PABPC4L: variants seen among roughly 807,000 people sequenced by gnomAD.
PABPC4L encodes the protein polyadenylate-binding protein 4-like.
For synonymous variants in PABPC4L, 169 were observed against 164.1 expected (o/e 1.03, Z -0.23); for missense variants, 452 against 451.4 (o/e 1.00, Z -0.01).
the PABPC4L span, among the ~76,000 whole-genome samples, chr4:134,021,474 T>C: frequency 6.6e-6 from 1 of 152,152 alleles, no homozygotes; most frequent in Admixed American, 6.6e-5. Flanking sequence ...CCATAGTGTC[T>C]CCATCAGAAA....
chr4:134,060,267 G>A, the PABPC4L span, among the ~76,000 whole-genome samples: 3 of 151,872 alleles, frequency 2.0e-5, no homozygotes, highest in East Asian at 5.9e-4. Context: ...GGCTGTCTAG[G>A]CAATAAGGAC....
chr4:134,164,993 T>G, the PABPC4L span, among the ~76,000 whole-genome samples: 1 of 152,252 alleles, frequency 6.6e-6, no homozygotes, highest in African/African-American at 2.4e-5. Context: ...TATAACCAAC[T>G]GATCTTTGAC....
At chr4:133,978,658 G>A in the PABPC4L span, among the ~76,000 whole-genome samples, 1 of 151,836 alleles carries the variant, frequency 6.6e-6, no homozygotes, top group African/African-American at 2.4e-5. Flanking sequence ...TTTACAGTTG[G>A]GAAAACTGGC....
chr4:134,002,247 G>T, the PABPC4L span, among the ~76,000 whole-genome samples: 1 of 151,258 alleles, frequency 6.6e-6, no homozygotes, highest in East Asian at 1.9e-4. Flanking sequence ...GTTTCCTAGG[G>T]GAAATTTGAA....
Position 134,199,918 on chromosome 4 carries a change from G to C in PABPC4L, c.1102C>G (p.Gln368Glu). 5 of 1,551,464 alleles carry C rather than the reference G, an allele frequency of 3.2e-6. No homozygotes were observed. Among genetic ancestry groups the C allele is most frequent in the Non-Finnish European group, 4.4e-6 (5 of 1,146,920 alleles). ...GSKPLSIALAQRH is the reference protein window; with the variant it reads ...GSKPLSIALAERH ...TACGTTTTTCTTTCCTAGTGTCTCTGGGCCAAGGCAATGCTAAGAGGTTTG... is the reference window on the plus strand; with the variant it reads ...TACGTTTTTCTTTCCTAGTGTCTCTCGGCCAAGGCAATGCTAAGAGGTTTG... The change falls in exon 2 of 2, where the codon CAG becomes GAG. Residue 368 changes from glutamine (Q) to glutamate (E), a missense_variant. Physicochemically the swap from Gln to Glu is conservative, Grantham distance 29. Coordinates refer to ENST00000421491, the MANE Select transcript of PABPC4L (RefSeq NM_001114734.2).
chr4:134,153,928 A>G, the PABPC4L span, among the ~76,000 whole-genome samples: 1 of 141,826 alleles, frequency 7.1e-6, no homozygotes, highest in Non-Finnish European at 1.5e-5. Context: ...AGCTAAGATT[A>G]TTACACAATA....
At chr4:134,057,525 A>T in the PABPC4L span, among the ~76,000 whole-genome samples, 18 of 152,036 alleles carry the variant, frequency 1.2e-4, no homozygotes, top group Non-Finnish European at 2.1e-4. Context: ...CAGGATTTCC[A>T]CATGATCTCC....
At chr4:134,191,087 T>C in the PABPC4L span, among the ~76,000 whole-genome samples, 1 of 152,190 alleles carries the variant, frequency 6.6e-6, no homozygotes, top group Non-Finnish European at 1.5e-5. Flanking sequence ...ATATTCAGTA[T>C]GATATTCATC....
the PABPC4L span, among the ~76,000 whole-genome samples, chr4:134,180,654 G>A: frequency 6.6e-6 from 1 of 151,358 alleles, no homozygotes; most frequent in Non-Finnish European, 1.5e-5. Flanking sequence ...AGGAGAAAAA[G>A]AGAGATGATC....
chr4:133,982,302 G>C, the PABPC4L span, among the ~76,000 whole-genome samples: 1 of 151,942 alleles, frequency 6.6e-6, no homozygotes, highest in African/African-American at 2.4e-5. Context: ...TATAGTGTAT[G>C]CCATAGTGTT....
the PABPC4L span, among the ~76,000 whole-genome samples, chr4:134,106,064 C>A: frequency 6.6e-6 from 1 of 151,648 alleles, no homozygotes; most frequent in Non-Finnish European, 1.5e-5. Flanking sequence ...CCTTAGCTAA[C>A]TCATTGCCCC....
At chr4:134,169,881 A>G in the PABPC4L span, among the ~76,000 whole-genome samples, 1 of 152,110 alleles carries the variant, frequency 6.6e-6, no homozygotes, top group African/African-American at 2.4e-5. Context: ...ATTTTTTTTA[A>G]CTTTTAATTT....
At chr4:134,177,271 C>A in the PABPC4L span, among the ~76,000 whole-genome samples, 1 of 151,358 alleles carries the variant, frequency 6.6e-6, no homozygotes. Flanking sequence ...GCCTCCACCT[C>A]CTGGGTTCAA....
At chr4:134,119,790 A>AT in the PABPC4L span, among the ~76,000 whole-genome samples, 11 of 151,766 alleles carry the variant, frequency 7.2e-5, no homozygotes, top group East Asian at 7.7e-4. Flanking sequence ...TACTCTTTAT[A>AT]TTTTTAAGAA....
chr4:134,105,689 C>T, the PABPC4L span, among the ~76,000 whole-genome samples: 1 of 151,440 alleles, frequency 6.6e-6, no homozygotes, highest in Admixed American at 6.6e-5. Flanking sequence ...TCATCACTAG[C>T]GAAGTACAGA....
the PABPC4L span, among the ~76,000 whole-genome samples, chr4:134,009,263 A>G: frequency 6.6e-6 from 1 of 151,882 alleles, no homozygotes; most frequent in Non-Finnish European, 1.5e-5. Context: ...CCAAAAGAAT[A>G]TTTTCTGTGA....
chr4:134,076,050 T>C, the PABPC4L span, among the ~76,000 whole-genome samples: 1 of 151,938 alleles, frequency 6.6e-6, no homozygotes, highest in African/African-American at 2.4e-5. Flanking sequence ...TGAGGAGCTA[T>C]AGCTACAACA....
At chr4:134,194,624 G>A (rs777816334), downstream of PABPC4L, among the ~76,000 whole-genome samples, 7 of 151,576 alleles carry the variant, frequency 4.6e-5, no homozygotes, top group Non-Finnish European at 8.9e-5. Flanking sequence ...CTTTTTTCTA[G>A]GAGGTAATTA....
At chr4:134,077,453 T>G in the PABPC4L span, among the ~76,000 whole-genome samples, 1 of 152,166 alleles carries the variant, frequency 6.6e-6, no homozygotes, top group Non-Finnish European at 1.5e-5. Flanking sequence ...GAAAAAAAAG[T>G]GTAATTACAT....
Sources: allele counts gnomAD v4.1 joint callset (sites outside exome capture counted in the v4.1 genomes callset), GRCh38; gene constraint gnomAD v4.1.1; transcripts MANE v1.5; gene names NCBI Gene and HGNC (gene_info 2026-07-23, HGNC 2026-07-21).